XPR1: variants seen among roughly 807,000 people sequenced by gnomAD.
XPR1 encodes xenotropic and polytropic retrovirus receptor 1, also known as solute carrier family 53 member 1.
XPR1 carries 28 observed loss-of-function variants against 87.5 expected under a neutral mutation model. The observed-to-expected ratio is 0.32, with a 90% CI of 0.24 to 0.44. The LOEUF (loss-of-function observed/expected upper bound fraction) is 0.44, where lower values mean the gene tolerates loss of function less well. Among genes scored for constraint, XPR1 ranks in the 20% least tolerant of loss-of-function variants. The probability of loss-of-function intolerance (pLI) is 1.00; values close to 1 mark genes in which losing one functional copy is unlikely to be tolerated. For missense variants in XPR1, 559 were observed against 862.3 expected (o/e 0.65, Z 4.41); for synonymous variants, 300 against 306.1 (o/e 0.98, Z 0.21).
At chr1:180,685,960 G>A (rs1380223470) in intron 2 of XPR1, among the ~76,000 whole-genome samples, 1 of 151,978 alleles carries the variant, frequency 6.6e-6, no homozygotes, top group Non-Finnish European at 1.5e-5. Context: ...ATTAATTTTT[G>A]AAGGGTTTTT....
At chr1:180,696,497 G>A (rs1557961922) in intron 2 of XPR1, among the ~76,000 whole-genome samples, 1 of 151,090 alleles carries the variant, frequency 6.6e-6, no homozygotes, top group African/African-American at 2.5e-5. Flanking sequence ...AGGAATTTCA[G>A]TACTATGTTG....
intron 2 of XPR1, among the ~76,000 whole-genome samples, chr1:180,770,232 A>G (rs1045442323): frequency 6.6e-6 from 1 of 152,158 alleles, no homozygotes; most frequent in South Asian, 2.1e-4. Context: ...TTGGGCTTCT[A>G]CAGCAGATTA....
intron 1 of XPR1, among the ~76,000 whole-genome samples, chr1:180,644,778 G>A (rs892709294): frequency 2.0e-5 from 3 of 151,868 alleles, no homozygotes; most frequent in Admixed American, 6.6e-5. Context: ...TGATTCAAGC[G>A]TGTTACGTTT....
intron 9 of XPR1, among the ~76,000 whole-genome samples, chr1:180,827,153 CAAAAAAAAAAAA>C (rs11324246): frequency 8.7e-4 from 58 of 66,912 alleles, no homozygotes; most frequent in Admixed American, 8.2e-3. Context: ...GACTCCTTCT[CAAAAAAAAAAAA>C]AAAAAAAAAA....
At chr1:180,766,857 T>C (rs1297372384) in intron 2 of XPR1, among the ~76,000 whole-genome samples, 1 of 152,184 alleles carries the variant, frequency 6.6e-6, no homozygotes, top group Non-Finnish European at 1.5e-5. Context: ...TATTTTTGCT[T>C]CCTAACTCCA....
intron 2 of XPR1, among the ~76,000 whole-genome samples, chr1:180,753,128 T>G (rs901718192): frequency 6.6e-6 from 1 of 152,214 alleles, no homozygotes; most frequent in African/African-American, 2.4e-5. Flanking sequence ...CCAACTTTGC[T>G]TACTACAAAA....
intron 2 of XPR1, among the ~76,000 whole-genome samples, chr1:180,694,611 A>T (rs1657099423): frequency 6.6e-6 from 1 of 151,844 alleles, no homozygotes; most frequent in Admixed American, 6.6e-5. Context: ...ACACTGGATC[A>T]ATGTATTCCC....
chr1:180,688,829 G>A (rs7556184), intron 2 of XPR1, among the ~76,000 whole-genome samples: 1 of 151,898 alleles, frequency 6.6e-6, no homozygotes, highest in Admixed American at 6.6e-5. Flanking sequence ...ATTAATCTAC[G>A]TGGGTAAATG....
intron 2 of XPR1, among the ~76,000 whole-genome samples, chr1:180,692,018 CTT>C (rs1290507124): frequency 6.6e-6 from 1 of 152,070 alleles, no homozygotes; most frequent in Non-Finnish European, 1.5e-5. Flanking sequence ...CCAGTTTCCA[CTT>C]TGTTATCCTG....
At chr1:180,853,792 T>G (rs868191244) in intron 11 of XPR1, among the ~76,000 whole-genome samples, 2,744 of 23,986 alleles carry the variant, frequency 0.11, 92 homozygotes, top group African/African-American at 0.21. Flanking sequence ...ATTCATGTGG[T>G]TTTTTTTTTT....
intron 13 of XPR1, among the ~76,000 whole-genome samples, chr1:180,878,722 C>G (rs1372182649): frequency 3.3e-5 from 5 of 152,196 alleles, no homozygotes; most frequent in African/African-American, 1.2e-4. Context: ...ATCCCCTTGT[C>G]AGTTCTCTGT....
At chr1:180,777,050 G>A (rs143980753) in intron 2 of XPR1, among the ~76,000 whole-genome samples, 26 of 152,254 alleles carry the variant, frequency 1.7e-4, no homozygotes, top group African/African-American at 5.5e-4. Flanking sequence ...AAGACTTAGA[G>A]ATTACCTATT....
intron 2 of XPR1, among the ~76,000 whole-genome samples, chr1:180,748,695 G>GTAATGT (rs1326040934): frequency 9.9e-5 from 15 of 151,992 alleles, no homozygotes. Context: ...TGGGATTACA[G>GTAATGT]CATGAGCCAC....
Position 180,887,343 on chromosome 1 carries a change from T to C in XPR1, c.*3277T>C, listed in dbSNP as rs749562901. On this transcript the variant is annotated 3_prime_UTR_variant, in exon 15 of 15. Coordinates refer to ENST00000367590, the MANE Select transcript of XPR1 (RefSeq NM_004736.4). The stretch of plus-strand genomic sequence containing the variant: ...TCCTCAAAGGAATGAAGAGGAAGTC[T>C]AAATAAATGAATAAAACTCATTTTT... 6.6e-6 allele frequency: 1 copy of C among 152,242 alleles called. No homozygotes were observed. 9.4% of individuals were successfully genotyped at this position (152,242 alleles called of 1,614,324 possible).
chr1:180,671,833 G>T (rs1656189147), intron 1 of XPR1, among the ~76,000 whole-genome samples: 1 of 151,950 alleles, frequency 6.6e-6, no homozygotes, highest in Admixed American at 6.6e-5. Context: ...TTGTTTGTTT[G>T]TTTAAAGAGA....
intron 7 of XPR1, among the ~76,000 whole-genome samples, chr1:180,814,721 G>A (rs942775789): frequency 3.9e-5 from 6 of 152,148 alleles, no homozygotes; most frequent in Admixed American, 6.6e-5. Context: ...GCAATATACT[G>A]CAAGATAGAA....
chr1:180,722,532 T>G (rs1268455379), intron 2 of XPR1, among the ~76,000 whole-genome samples: 1 of 152,262 alleles, frequency 6.6e-6, no homozygotes, highest in African/African-American at 2.4e-5. Flanking sequence ...TATTGGCCTG[T>G]GGTGTAAAAT....
intron 7 of XPR1, among the ~76,000 whole-genome samples, chr1:180,815,718 G>A (rs966157347): frequency 6.6e-6 from 1 of 151,214 alleles, no homozygotes; most frequent in Non-Finnish European, 1.5e-5. Flanking sequence ...AACTTAATTT[G>A]GTACAATAAC....
At chr1:180,762,128 G>C (rs1049412027) in intron 2 of XPR1, among the ~76,000 whole-genome samples, 1 of 132,126 alleles carries the variant, frequency 7.6e-6, no homozygotes, top group Non-Finnish European at 1.6e-5. Context: ...TTGTGGGGTC[G>C]GGGGAGGGGG....
Sources: gnomAD v4.1 joint callset for allele counts (sites outside exome capture counted in the v4.1 genomes callset) on GRCh38, gnomAD v4.1.1 for gene constraint, MANE v1.5 for transcripts, NCBI Gene and HGNC (gene_info 2026-07-23, HGNC 2026-07-21) for gene names.